PPP1R9A: variants seen among roughly 807,000 people sequenced by gnomAD.
PPP1R9A encodes the protein protein phosphatase 1 regulatory subunit 9A.
Under a neutral mutation model 141.9 loss-of-function variants are expected in PPP1R9A, and 59 were observed. The observed-to-expected ratio is 0.42, with a 90% CI of 0.34 to 0.52. The LOEUF (loss-of-function observed/expected upper bound fraction) is 0.52. Ranked by LOEUF, PPP1R9A falls within the 20% of genes least tolerant of loss-of-function variation. The probability of loss-of-function intolerance (pLI) is 0.10; values close to 1 mark genes in which losing one functional copy is unlikely to be tolerated. For missense variants in PPP1R9A, 1,444 were observed against 1,611.9 expected, an observed-to-expected ratio of 0.90 and a Z score of 1.78; for synonymous variants, 500 against 569.7, an observed-to-expected ratio of 0.88 and a Z score of 1.74.
chr7:95,286,273 C>T lies in PPP1R9A; in HGVS notation c.3677C>T (p.Ala1226Val). The change falls in exon 18 of 20, where the codon GCA (alanine) becomes GTA (valine). Residue 1226 changes from alanine to valine, a missense_variant. Ala to Val is a moderately conservative substitution (Grantham distance 64). Transcript: ENST00000433360. ...TSSADLSGLG[A>V]EPKTPGLSQS... ...TCAGCAGACCTCAGCGGCTTAGGAG[C>T]AGAACCTAAAACACCAGGGCTCTCT... is the stretch of plus-strand genomic sequence containing the variant. The T allele has an allele frequency of 4.3e-6, 7 of 1,613,718 alleles. No individual in the cohort carries two copies. The highest frequency in any genetic ancestry group is 5.1e-6 in the Non-Finnish European group (6 of 1,179,740).
chr7:95,214,799 T>C (rs545511995), intron 7 of PPP1R9A, among the ~76,000 whole-genome samples: 5 of 152,200 alleles, frequency 3.3e-5, no homozygotes, highest in African/African-American at 1.2e-4. Context: ...ATTTTTTTGG[T>C]CAAAATTTTA....
At chr7:95,112,921 A>G (rs181800468) in intron 3 of PPP1R9A, among the ~76,000 whole-genome samples, 27 of 152,236 alleles carry the variant, frequency 1.8e-4, no homozygotes, top group African/African-American at 6.3e-4. Flanking sequence ...GGGGACTCCA[A>G]AAGTTTACGA....
At chr7:94,927,939 A>G (rs1473497685) in intron 2 of PPP1R9A, among the ~76,000 whole-genome samples, 1 of 152,142 alleles carries the variant, frequency 6.6e-6, no homozygotes, top group Non-Finnish European at 1.5e-5. Context: ...CTTTTTGAGA[A>G]TGAAAGGGGA....
chr7:94,923,716 A>G (rs1793123862), intron 2 of PPP1R9A, among the ~76,000 whole-genome samples: 2 of 152,182 alleles, frequency 1.3e-5, no homozygotes, highest in Admixed American at 1.3e-4. Context: ...CCTCTCATCT[A>G]TTGGGTAATT....
intron 2 of PPP1R9A, among the ~76,000 whole-genome samples, chr7:94,958,603 C>A (rs1797304553): frequency 6.6e-6 from 1 of 151,810 alleles, no homozygotes; most frequent in Admixed American, 6.6e-5. Flanking sequence ...TAGGTGTGCC[C>A]TAAAAAATAA....
At chr7:95,070,624 C>CATAT (rs376892995) in intron 2 of PPP1R9A, among the ~76,000 whole-genome samples, 9 of 134,542 alleles carry the variant, frequency 6.7e-5, no homozygotes, top group Non-Finnish European at 1.5e-4. Context: ...CACACACACA[C>CATAT]ATATATATAA....
intron 2 of PPP1R9A, among the ~76,000 whole-genome samples, chr7:95,110,436 GTGTC>G (rs933192335): frequency 6.6e-6 from 1 of 152,124 alleles, no homozygotes; most frequent in African/African-American, 2.4e-5. Flanking sequence ...GAAAATGCCA[GTGTC>G]TGTTATGTAT....
At chr7:95,024,662 A>G (rs1214268930) in intron 2 of PPP1R9A, among the ~76,000 whole-genome samples, 1 of 151,862 alleles carries the variant, frequency 6.6e-6, no homozygotes, top group Non-Finnish European at 1.5e-5. Flanking sequence ...TTTTGAGCCT[A>G]TGTGTATCTT....
chr7:94,924,354 GTA>G lies in PPP1R9A; in HGVS notation c.1395+12849_1395+12850del, dbSNP rs1242569951. Among the ~76,000 whole-genome samples, 33 of 152,138 alleles carry G rather than the reference GTA, an allele frequency of 2.2e-4. 1 individual carries two copies. The highest frequency in any genetic ancestry group is 8.0e-4 in the African/African-American group (33 of 41,424). On this transcript the variant is annotated intron_variant, in intron 2 of 19. Transcript: ENST00000433360. Reference sequence around the variant, plus strand: ...TTTTTATCTTGCTGGCTCCTTCTCTGTATAACGAGTTCTGTGAGTAGTAGCAT... The same window carrying G: ...TTTTTATCTTGCTGGCTCCTTCTCTGTAACGAGTTCTGTGAGTAGTAGCAT...
Position 95,291,602 on chromosome 7 carries a change from AATAAACTCGT to A in PPP1R9A, c.*1300_*1309del, listed in dbSNP as rs1806369616. Reference sequence around the variant, plus strand: ...GGAGACTGGGGCAGAAGAAGGAGAAAATAAACTCGTTTTGAGAAATTTCATGTGATGAGGG... The same window carrying A: ...GGAGACTGGGGCAGAAGAAGGAGAAATTTGAGAAATTTCATGTGATGAGGG... On this transcript the variant is annotated 3_prime_UTR_variant, in exon 20 of 20. Transcript: ENST00000433360. 1.3e-5 allele frequency: 2 copies of A among 152,222 alleles called. No individual in the cohort carries two copies. Among genetic ancestry groups the A allele is most frequent in the Admixed American group, 1.3e-4 (2 of 15,278 alleles). 9.4% of individuals were successfully genotyped at this position (152,222 alleles called of 1,614,324 possible). A position where few individuals can be genotyped will look rare whatever the true frequency, so the allele number is the denominator to read the frequency against.
At chr7:95,184,792 T>A (rs1834378368) in intron 5 of PPP1R9A, among the ~76,000 whole-genome samples, 1 of 152,154 alleles carries the variant, frequency 6.6e-6, no homozygotes, top group African/African-American at 2.4e-5. Context: ...GCAAATGTCA[T>A]TATTTTCTTC....
chr7:95,245,998 A>G (rs901273034), intron 8 of PPP1R9A, among the ~76,000 whole-genome samples: 3 of 152,164 alleles, frequency 2.0e-5, no homozygotes, highest in Non-Finnish European at 4.4e-5. Context: ...TCTCAGCACC[A>G]AGAGCAGTAA....
At chr7:95,232,543 G>A (rs1261629896) in intron 8 of PPP1R9A, among the ~76,000 whole-genome samples, 1 of 152,128 alleles carries the variant, frequency 6.6e-6, no homozygotes, top group Non-Finnish European at 1.5e-5. Context: ...AATCTAAAGA[G>A]CTTCTGCATA....
intron 7 of PPP1R9A, among the ~76,000 whole-genome samples, chr7:95,204,483 A>G (rs1231849859): frequency 6.6e-6 from 1 of 152,118 alleles, no homozygotes; most frequent in Non-Finnish European, 1.5e-5. Context: ...CCCCAAATCT[A>G]TAGCAACAGT....
In PPP1R9A at chr7:94,950,625, A is replaced by G. The variant is rs139938837; in HGVS notation, c.1395+39117A>G. ...TCCTTGGCTAAGATCATACTTTTCTATCTCTTTGGGTCTTCTTTAATATAT... is the reference window on the plus strand; with the variant it reads ...TCCTTGGCTAAGATCATACTTTTCTGTCTCTTTGGGTCTTCTTTAATATAT... On this transcript the variant is annotated intron_variant, in intron 2 of 19. Transcript: ENST00000433360. Among the ~76,000 whole-genome samples the G allele has an allele frequency of 3.2e-4, 49 of 152,058 alleles. 1 individual carries two copies. In the East Asian group the frequency reaches 9.3e-3, roughly 29 times the overall value.
In PPP1R9A at chr7:95,210,560, G is replaced by A. The variant is rs903290634; in HGVS notation, c.1956+6830G>A. Among the ~76,000 whole-genome samples the A allele has an allele frequency of 3.9e-5, 6 of 151,960 alleles. No homozygotes were observed. In the South Asian group the frequency reaches 6.2e-4, roughly 16 times the overall value. On this transcript the variant is annotated intron_variant, in intron 7 of 19. Transcript: ENST00000433360. ...AGCTCACTGCAACCTCCGCCTCCCCGGTTCAAGCGATTCTCCTGCCTCAGC... is the reference window on the plus strand; with the variant it reads ...AGCTCACTGCAACCTCCGCCTCCCCAGTTCAAGCGATTCTCCTGCCTCAGC...
intron 12 of PPP1R9A, among the ~76,000 whole-genome samples, chr7:95,258,391 G>T (rs1305631388): frequency 6.6e-6 from 1 of 151,974 alleles, no homozygotes; most frequent in South Asian, 2.1e-4. Context: ...AAATTTGTTT[G>T]AGTTCATTGT....
At chr7:95,009,216 G>A (rs1299771089) in intron 2 of PPP1R9A, among the ~76,000 whole-genome samples, 1 of 152,116 alleles carries the variant, frequency 6.6e-6, no homozygotes, top group Non-Finnish European at 1.5e-5. Flanking sequence ...GGAGTTAATG[G>A]GTGCAGCACA....
chr7:94,944,057 G>A (rs564148556), intron 2 of PPP1R9A, among the ~76,000 whole-genome samples: 9 of 151,938 alleles, frequency 5.9e-5, no homozygotes, highest in Admixed American at 1.3e-4. Flanking sequence ...CATTTTGGGG[G>A]TATATGTGAT....
Sources: allele counts gnomAD v4.1 joint callset (sites outside exome capture counted in the v4.1 genomes callset), GRCh38; gene constraint gnomAD v4.1.1; transcripts MANE v1.5; gene names NCBI Gene and HGNC (gene_info 2026-07-23, HGNC 2026-07-21).